Variants in PCSK5 observed in about 807,000 individuals in gnomAD.
PCSK5 encodes the protein prohormone convertase 5.
Under a neutral mutation model 233.2 loss-of-function variants are expected in PCSK5, and 129 were observed. That is an observed-to-expected ratio of 0.55 (90% confidence interval 0.48 to 0.64). PCSK5 has a LOEUF of 0.64. Among genes scored for constraint, PCSK5 ranks in the 30% least tolerant of loss-of-function variants. PCSK5 has a pLI of 0.00. For missense variants in PCSK5, 2,076 were observed against 2,430.1 expected (o/e 0.85, Z 3.06); for synonymous variants, 825 against 879.2 (o/e 0.94, Z 1.09).
intron 7 of PCSK5, among the ~76,000 whole-genome samples, chr9:76,076,001 G>C (rs1587594266): frequency 1.3e-5 from 2 of 152,248 alleles, no homozygotes; most frequent in East Asian, 1.9e-4. Context: ...GTAAGTGTAT[G>C]AATAAAAGTA....
intron 1 of PCSK5, among the ~76,000 whole-genome samples, chr9:75,893,152 A>T (rs1191190944): frequency 6.6e-6 from 1 of 152,162 alleles, no homozygotes; most frequent in African/African-American, 2.4e-5. Context: ...GGGTTCTGCT[A>T]ACATTGAACA....
chr9:76,326,007 A>T (rs1360665418), intron 32 of PCSK5, among the ~76,000 whole-genome samples: 1 of 152,190 alleles, frequency 6.6e-6, no homozygotes, highest in Non-Finnish European at 1.5e-5. Context: ...TGACAACCTG[A>T]CTTTCCAGAG....
chr9:76,286,107 A>T (rs1487442442), intron 24 of PCSK5, among the ~76,000 whole-genome samples: 3 of 152,240 alleles, frequency 2.0e-5, no homozygotes, highest in African/African-American at 7.2e-5. Context: ...CAGTGGACAT[A>T]AATGTGTTCA....
At chr9:75,929,865 T>C (rs937701169) in intron 1 of PCSK5, among the ~76,000 whole-genome samples, 24 of 150,744 alleles carry the variant, frequency 1.6e-4, no homozygotes, top group Non-Finnish European at 5.9e-5. Flanking sequence ...AGATCTCTTT[T>C]TTTTTTTTTT....
intron 16 of PCSK5, among the ~76,000 whole-genome samples, chr9:76,182,619 A>G (rs1823924395): frequency 6.6e-6 from 1 of 152,042 alleles, no homozygotes; most frequent in Non-Finnish European, 1.5e-5. Context: ...ATCAGCCATC[A>G]TTAGCAAACA....
At chr9:75,937,209 C>T (rs996176199) in intron 2 of PCSK5, among the ~76,000 whole-genome samples, 14 of 147,506 alleles carry the variant, frequency 9.5e-5, no homozygotes, top group African/African-American at 3.3e-4. Context: ...TAAAGAGTCT[C>T]GCTCTGTCAC....
At chr9:75,900,073 T>C (rs1340471205) in intron 1 of PCSK5, among the ~76,000 whole-genome samples, 1 of 152,190 alleles carries the variant, frequency 6.6e-6, no homozygotes, top group East Asian at 1.9e-4. Context: ...CAACAGTTTT[T>C]CATTGGACAT....
At chr9:76,173,495 CCTTTTTTTTTTTTTTT>C (rs1282463054) in intron 13 of PCSK5, among the ~76,000 whole-genome samples, 16 of 34,578 alleles carry the variant, frequency 4.6e-4, no homozygotes, top group African/African-American at 1.4e-3. Context: ...AGGCACGTTT[CCTTTTTTTTTTTTTTT>C]TTTTTTTTTT....
chr9:76,159,963 C>T (rs957395581), intron 12 of PCSK5, among the ~76,000 whole-genome samples: 1 of 151,758 alleles, frequency 6.6e-6, no homozygotes, highest in African/African-American at 2.4e-5. Context: ...GCTGTGAGTA[C>T]AGCCGTGCCC....
Position 76,194,755 on chromosome 9 carries a change from G to T in PCSK5, c.2626+5009G>T, listed in dbSNP as rs540636387. The T allele has an allele frequency of 1.7e-4, 78 of 466,888 alleles. 1 individual carries two copies. Among genetic ancestry groups the T allele is most frequent in the Admixed American group, 6.6e-4 (28 of 42,156 alleles). 28.9% of individuals were successfully genotyped at this position (466,888 alleles called of 1,614,324 possible). The stretch of plus-strand genomic sequence containing the variant: ...TCTTTTGACAGTTTCTCTGTTTAGG[G>T]GAGCCTAGACTGATATCAAGTTTCT... On this transcript the variant is annotated intron_variant, in intron 20 of 37. Coordinates refer to ENST00000674117, the MANE Select transcript of PCSK5 (RefSeq NM_001372043.1).
chr9:75,973,791 T>A (rs770187525), intron 2 of PCSK5, among the ~76,000 whole-genome samples: 1 of 152,172 alleles, frequency 6.6e-6, no homozygotes, highest in Non-Finnish European at 1.5e-5. Flanking sequence ...GGAACTGTGG[T>A]CAAGGCCAAC....
chr9:75,896,424 T>C (rs1825808664), intron 1 of PCSK5, among the ~76,000 whole-genome samples: 1 of 152,184 alleles, frequency 6.6e-6, no homozygotes, highest in South Asian at 2.1e-4. Flanking sequence ...AACAGGGTAG[T>C]ACAGTGAGAA....
At chr9:76,347,775 A>AC (rs200435279) in intron 35 of PCSK5, among the ~76,000 whole-genome samples, 16,646 of 149,720 alleles carry the variant, frequency 0.11, 1,014 homozygotes, top group East Asian at 0.2. Context: ...AAAAAAAAAA[A>AC]AAAAGAAAGA....
chr9:76,348,524 G>A (rs1173489907), intron 35 of PCSK5, among the ~76,000 whole-genome samples: 1 of 151,972 alleles, frequency 6.6e-6, no homozygotes, highest in Non-Finnish European at 1.5e-5. Flanking sequence ...CGAGGCTGCA[G>A]TGAGCCATAA....
intron 21 of PCSK5, among the ~76,000 whole-genome samples, chr9:76,232,051 C>T (rs918978572): frequency 6.6e-6 from 1 of 152,152 alleles, no homozygotes; most frequent in Non-Finnish European, 1.5e-5. Flanking sequence ...AAGTGACATA[C>T]TATTCAGGAT....
chr9:75,989,099 A>G (rs1319830975), intron 3 of PCSK5, among the ~76,000 whole-genome samples: 1 of 152,184 alleles, frequency 6.6e-6, no homozygotes, highest in Non-Finnish European at 1.5e-5. Flanking sequence ...TCCATACCTT[A>G]TGCTTCTCTG....
chr9:76,264,908 A>G lies in PCSK5; in HGVS notation c.3142+24224A>G, dbSNP rs140708125. ...ACCCAAATATATCCAGTATATTTAT[A>G]TATACCCAAAAGAAAAGAAATCCTT... On this transcript the variant is annotated intron_variant, in intron 24 of 37. Transcript: ENST00000674117. 1.6e-3 allele frequency among the ~76,000 whole-genome samples: 240 copies of G among 152,270 alleles called. 8 individuals are homozygous for G. In the East Asian group the frequency reaches 0.04, roughly 26 times the overall value.
Position 76,302,237 on chromosome 9 carries a change from G to T in PCSK5, c.3604+20G>T. On this transcript the variant is annotated intron_variant, in intron 28 of 37. Coordinates refer to ENST00000674117, the MANE Select transcript of PCSK5 (RefSeq NM_001372043.1). ...AAAGAGGTAACAGGGAAATAGGGAG[G>T]CAACAATCACAGCAGCAGAGACTAT... The T allele has an allele frequency of 8.5e-7, 1 of 1,183,336 alleles. No individual in the cohort carries two copies. Among genetic ancestry groups the T allele is most frequent in the Admixed American group, 2.3e-5 (1 of 43,036 alleles). 73.3% of individuals were successfully genotyped at this position (1,183,336 alleles called of 1,614,324 possible). A position where few individuals can be genotyped will look rare whatever the true frequency, so the allele number is the denominator to read the frequency against.
chr9:76,072,707 G>A (rs1301697451), intron 7 of PCSK5, among the ~76,000 whole-genome samples: 1 of 151,938 alleles, frequency 6.6e-6, no homozygotes, highest in Admixed American at 6.6e-5. Context: ...TAATGTAGAC[G>A]TGCTCCACTC....
Sources: allele counts gnomAD v4.1 joint callset (sites outside exome capture counted in the v4.1 genomes callset), GRCh38; gene constraint gnomAD v4.1.1; transcripts MANE v1.5; gene names NCBI Gene and HGNC (gene_info 2026-07-23, HGNC 2026-07-21).